SCN2A: variants seen among roughly 807,000 people sequenced by gnomAD.
The protein encoded by SCN2A is sodium channel protein type 2 subunit alpha.
SCN2A carries 20 observed loss-of-function variants against 188.7 expected under a neutral mutation model. That is an observed-to-expected ratio of 0.11 (90% confidence interval 0.07 to 0.15). SCN2A has a LOEUF of 0.15. SCN2A is among the 10% of genes least tolerant of loss of function. SCN2A has a pLI of 1.00. For missense variants in SCN2A, 1,278 were observed against 2,445.0 expected (o/e 0.52, Z 10.07); for synonymous variants, 804 against 833.1 (o/e 0.97, Z 0.60).
At position 165,313,911 on chromosome 2, in the gene SCN2A, G is replaced by T. The variant is rs768191357; in HGVS notation, c.1186G>T (p.Ala396Ser). The T allele has an allele frequency of 2.5e-6, 4 of 1,613,738 alleles. No individual in the cohort carries two copies. Among genetic ancestry groups the T allele is most frequent in the Non-Finnish European group, 1.7e-6 (2 of 1,179,746 alleles). ...WENLYQLTLR[A>S]AGKTYMIFFV... The stretch of plus-strand genomic sequence containing the variant: ...CTCTTCCATTTTGCAGACACTACGT[G>T]CTGCTGGGAAAACGTACATGATATT... Residue 396 changes from alanine to serine, a missense_variant, in exon 10 of 27, where the codon GCT becomes TCT. Ala to Ser is a moderately conservative substitution (Grantham distance 99). Coordinates refer to ENST00000375437, the MANE Select transcript of SCN2A (RefSeq NM_001040142.2).
intron 13 of SCN2A, chr2:165,327,392 A>T (rs1225469292): frequency 4.8e-6 from 1 of 207,954 alleles, no homozygotes; most frequent in Non-Finnish European, 9.8e-6. Flanking sequence ...AAAAATGTGA[A>T]TTAGGGTTTG....
At chr2:165,323,103 C>T (rs1376164130) in intron 11 of SCN2A, 53 bp from the exon 12 acceptor site, 2 of 1,513,880 alleles carry the variant, frequency 1.3e-6, no homozygotes, top group Non-Finnish European at 1.8e-6. Context: ...TTTCAGAATG[C>T]CAGCTCTTAA....
chr2:165,304,241 G>A (rs1163888175), intron 3 of SCN2A, among the ~76,000 whole-genome samples: 1 of 151,986 alleles, frequency 6.6e-6, no homozygotes, highest in Non-Finnish European at 1.5e-5. Flanking sequence ...GGGATTACAG[G>A]CATCCGTCAC....
At chr2:165,265,663 T>G (rs557711376) in intron 1 of SCN2A, among the ~76,000 whole-genome samples, 1 of 150,708 alleles carries the variant, frequency 6.6e-6, no homozygotes, top group South Asian at 2.1e-4. Context: ...TTCCTTCAAA[T>G]GAAAATCCAT....
chr2:165,327,076 A>T (rs1185296786), intron 13 of SCN2A, 92 bp downstream of exon 13: 5 of 1,425,380 alleles, frequency 3.5e-6, no homozygotes, highest in Non-Finnish European at 4.9e-6. Flanking sequence ...TCCTGACTTG[A>T]TATTGTATCA....
At chr2:165,362,770 A>C (rs1485371802) in intron 17 of SCN2A, among the ~76,000 whole-genome samples, 2 of 152,022 alleles carry the variant, frequency 1.3e-5, no homozygotes, top group East Asian at 3.9e-4. Flanking sequence ...AAATCCATCC[A>C]ACTGAAATAA....
At chr2:165,310,030 G>T (rs960174662) in intron 6 of SCN2A, among the ~76,000 whole-genome samples, 1 of 152,134 alleles carries the variant, frequency 6.6e-6, no homozygotes. Flanking sequence ...ACACAAGGTT[G>T]ATGTTTAAGC....
chr2:165,386,602 A>T, intron 25 of SCN2A, 144 bp from the exon 26 acceptor site: 12 of 686,250 alleles, frequency 1.7e-5, no homozygotes, highest in Non-Finnish European at 2.2e-5. Flanking sequence ...TTTGCAAGGA[A>T]TTTTTTTTTT....
At chr2:165,282,918 G>A (rs1348038053) in intron 1 of SCN2A, among the ~76,000 whole-genome samples, 1 of 152,148 alleles carries the variant, frequency 6.6e-6, no homozygotes, top group East Asian at 1.9e-4. Flanking sequence ...AGAGAGAGAG[G>A]AAGGAATCAA....
chr2:165,307,766 A>G, intron 3 of SCN2A, 82 bp from the exon 4 acceptor site: 1 of 925,456 alleles, frequency 1.1e-6, no homozygotes, highest in Middle Eastern at 2.2e-4. Flanking sequence ...CTAAAGTTTT[A>G]AACTTCATGG....
intron 1 of SCN2A, among the ~76,000 whole-genome samples, chr2:165,246,659 A>G (rs1276636385): frequency 6.6e-6 from 1 of 152,102 alleles, no homozygotes; most frequent in African/African-American, 2.4e-5. Context: ...TCCTCCGCTC[A>G]GTGTTTTTTT....
At chr2:165,273,643 A>C (rs1381866865) in intron 1 of SCN2A, 2 of 152,054 alleles carry the variant, frequency 1.3e-5, no homozygotes, top group Non-Finnish European at 2.9e-5. Flanking sequence ...AATAAAATGT[A>C]GTTTATAATT....
At chr2:165,371,730 A>C (rs189175219) in intron 20 of SCN2A, 1 of 152,334 alleles carries the variant, frequency 6.6e-6, no homozygotes, top group Non-Finnish European at 1.5e-5. Context: ...GGAAATTTGG[A>C]CTTATTATTT....
intron 5 of SCN2A, 189 bp from the exon 6 acceptor site, chr2:165,309,163 A>C: frequency 6.2e-7 from 1 of 1,613,094 alleles, no homozygotes; most frequent in Non-Finnish European, 8.5e-7. Context: ...TTAATTCTAC[A>C]GGTATGTAAC....
chr2:165,274,988 C>T (rs923818235), intron 1 of SCN2A, among the ~76,000 whole-genome samples: 1 of 152,210 alleles, frequency 6.6e-6, no homozygotes, highest in Admixed American at 6.5e-5. Flanking sequence ...ATTTATGTCA[C>T]AGGTGTCACT....
chr2:165,312,443 G>A (rs192922489), intron 8 of SCN2A, among the ~76,000 whole-genome samples: 49 of 152,180 alleles, frequency 3.2e-4, no homozygotes, highest in Admixed American at 3.2e-3. Context: ...AGCTTAAAAT[G>A]TAAGATCTCT....
At chr2:165,331,679 G>T in intron 14 of SCN2A, 111 bp downstream of exon 14, 1 of 863,898 alleles carries the variant, frequency 1.2e-6, no homozygotes, top group South Asian at 1.4e-5. Flanking sequence ...TGTATATCTT[G>T]ACATCAAATG....
At chr2:165,357,358 T>G (rs1345073291) in intron 17 of SCN2A, among the ~76,000 whole-genome samples, 1 of 152,148 alleles carries the variant, frequency 6.6e-6, no homozygotes, top group Non-Finnish European at 1.5e-5. Flanking sequence ...AGAAACATCA[T>G]GAGGCTTATT....
chr2:165,310,408 G>C lies in SCN2A; in HGVS notation c.783G>C (p.Val261=), dbSNP rs1250340830. ...TCTTGACTGTGTTCTGTCTAAGCGT[G>C]TTTGCGCTAATAGGATTGCAGTTGT... ...VMILTVFCLS[V]FALIGLQLFM... is the part of the protein sequence containing the mutation. Residue 261 remains valine, a synonymous_variant, in exon 7 of 27, where the codon GTG becomes GTC. Transcript: ENST00000375437. The C allele has an allele frequency of 6.2e-7, 1 of 1,613,548 alleles. No individual in the cohort carries two copies. The highest frequency in any genetic ancestry group is 1.7e-5 in the Admixed American group (1 of 59,970).
Sources: gnomAD v4.1 joint callset for allele counts (sites outside exome capture counted in the v4.1 genomes callset) on GRCh38, gnomAD v4.1.1 for gene constraint, MANE v1.5 for transcripts, NCBI Gene and HGNC (gene_info 2026-07-23, HGNC 2026-07-21) for gene names.